Variants in GTF2F2 observed in about 807,000 individuals in gnomAD.
GTF2F2 encodes the protein general transcription factor IIF subunit 2.
In GTF2F2, 23 loss-of-function variants were observed where a neutral mutation model predicts 42.2. That is an observed-to-expected ratio of 0.55 (90% CI 0.39 to 0.77). The LOEUF is 0.77. Ranked by LOEUF, GTF2F2 falls within the 30% of genes least tolerant of loss-of-function variation. The probability of loss-of-function intolerance (pLI) is 0.00; values close to 1 mark genes in which losing one functional copy is unlikely to be tolerated. For missense variants in GTF2F2, 261 were observed against 287.2 expected (o/e 0.91, Z 0.66); for synonymous variants, 105 against 100.8 (o/e 1.04, Z -0.25).
At chr13:45,222,305 G>A (rs1412772651) in intron 5 of GTF2F2, among the ~76,000 whole-genome samples, 1 of 151,910 alleles carries the variant, frequency 6.6e-6, no homozygotes, top group Non-Finnish European at 1.5e-5. Context: ...GTTAACAAAA[G>A]GAATACATAC....
At position 45,138,321 on chromosome 13, in the gene GTF2F2, C is replaced by T. The variant is rs544032529; in HGVS notation, c.140+1515C>T. Among the ~76,000 whole-genome samples the T allele has an allele frequency of 1.1e-4, 17 of 152,296 alleles. No homozygotes were observed. In the Middle Eastern group the frequency reaches 0.01, roughly 91 times the overall value. On this transcript the variant is annotated intron_variant, in intron 2 of 7. Transcript: ENST00000340473. ...TACAGTTCAGGATGCTTCTGCCCTC[C>T]GTGGAGGCACCGTGCTCAGGAAGGT...
rs145490054 is a variant in GTF2F2 at position 45,234,766 on chromosome 13, G to T, written c.387-18105G>T. Among the ~76,000 whole-genome samples, 412 of 152,138 alleles carry T rather than the reference G, an allele frequency of 2.7e-3. 1 individual carries two copies. The highest frequency in any genetic ancestry group is 9.3e-3 in the African/African-American group (386 of 41,544). On this transcript the variant is annotated intron_variant, in intron 5 of 7. Transcript: ENST00000340473. The stretch of plus-strand genomic sequence containing the variant: ...GGGCAGCTTACAAAAAGATGGTCAT[G>T]CCAGTGCGGTGGCTCATGCCTGTAA...
intron 4 of GTF2F2, among the ~76,000 whole-genome samples, chr13:45,189,713 G>A (rs993895623): frequency 6.7e-6 from 1 of 148,180 alleles, no homozygotes; most frequent in African/African-American, 2.4e-5. Context: ...CATAGGCATG[G>A]GCAAAGGCCA....
chr13:45,167,236 T>A (rs867063440), intron 4 of GTF2F2, among the ~76,000 whole-genome samples: 1,917 of 150,752 alleles, frequency 0.013, 47 homozygotes, highest in African/African-American at 0.044. Context: ...TTTACTATTT[T>A]TTTTTTTTTT....
chr13:45,141,315 G>A (rs1869914580), intron 2 of GTF2F2, among the ~76,000 whole-genome samples: 1 of 152,168 alleles, frequency 6.6e-6, no homozygotes, highest in African/African-American at 2.4e-5. Context: ...TTTTCCTTAT[G>A]AATCCTTGCT....
chr13:45,139,367 C>G (rs965192122), intron 2 of GTF2F2, among the ~76,000 whole-genome samples: 6 of 152,204 alleles, frequency 3.9e-5, no homozygotes, highest in Admixed American at 2.6e-4. Context: ...TCTCTCTGTC[C>G]ACGCTCGTAA....
At chr13:45,225,611 C>CAAA (rs35637992) in intron 5 of GTF2F2, among the ~76,000 whole-genome samples, 1,386 of 65,466 alleles carry the variant, frequency 0.021, 45 homozygotes, top group African/African-American at 0.06. Flanking sequence ...AGCTCTGTCT[C>CAAA]AAAAAAAAAA....
rs987665820 is a variant in GTF2F2, at chr13:45,120,558, T to C, written c.-98T>C. The C allele has an allele frequency of 3.6e-6, 3 of 832,668 alleles. No individual in the cohort carries two copies. The highest frequency in any genetic ancestry group is 3.4e-5 in the African/African-American group (2 of 58,598). 51.6% of individuals were successfully genotyped at this position (832,668 alleles called of 1,614,324 possible). ...GTAAGGAACGCCGGCTCTTCGCCTC[T>C]CAGCGCGGCTTGTCCTTTGTTCCGG... On this transcript the variant is annotated 5_prime_UTR_variant, in exon 1 of 8. Transcript: ENST00000340473.
In GTF2F2 at chr13:45,131,157, G is replaced by A. The variant is rs569210537; in HGVS notation, c.67-5576G>A. Reference sequence around the variant, plus strand: ...CGGAAGGCAGAGGTTGTGGTGAGCCGAGATCGCGCCATTGCACTCCAGCCT... The same window carrying A: ...CGGAAGGCAGAGGTTGTGGTGAGCCAAGATCGCGCCATTGCACTCCAGCCT... On this transcript the variant is annotated intron_variant, in intron 1 of 7. Coordinates refer to ENST00000340473, the MANE Select transcript of GTF2F2 (RefSeq NM_004128.3). Among the ~76,000 whole-genome samples the A allele has an allele frequency of 1.5e-4, 22 of 151,698 alleles. 1 individual carries two copies. Among genetic ancestry groups the A allele is most frequent in the African/African-American group, 4.6e-4 (19 of 41,368 alleles).
At chr13:45,254,017 ACGC>A (rs1392273363) in intron 6 of GTF2F2, among the ~76,000 whole-genome samples, 3 of 151,104 alleles carry the variant, frequency 2.0e-5, no homozygotes, top group African/African-American at 7.3e-5. Context: ...AGCCGAGATC[ACGC>A]CACTGCACTG....
At chr13:45,279,662 C>A (rs1165826413) in intron 7 of GTF2F2, among the ~76,000 whole-genome samples, 1 of 152,142 alleles carries the variant, frequency 6.6e-6, no homozygotes, top group African/African-American at 2.4e-5. Flanking sequence ...AATCCTAGCG[C>A]TTTGGGAGGC....
intron 6 of GTF2F2, among the ~76,000 whole-genome samples, chr13:45,257,307 G>GT (rs1280707572): frequency 3.3e-5 from 5 of 151,886 alleles, no homozygotes; most frequent in South Asian, 4.2e-4. Context: ...GACATGTCAG[G>GT]TTTTTTTTCC....
At chr13:45,273,451 A>G (rs1487973864) in intron 7 of GTF2F2, among the ~76,000 whole-genome samples, 1 of 152,028 alleles carries the variant, frequency 6.6e-6, no homozygotes, top group Non-Finnish European at 1.5e-5. Context: ...ATGAGTCAGA[A>G]TTTTACGTAA....
chr13:45,182,924 G>T lies in GTF2F2; in HGVS notation c.305-24500G>T, dbSNP rs1046629322. On this transcript the variant is annotated intron_variant, in intron 4 of 7. Transcript: ENST00000340473. ...ACTAGTTTTTTCTTGTAGCACACTC[G>T]TCAGGCAGGCTGGGTTCCCTTTTGG... Among the ~76,000 whole-genome samples, 69 of 152,030 alleles carry T rather than the reference G, an allele frequency of 4.5e-4. 1 individual carries two copies. Among genetic ancestry groups the T allele is most frequent in the Admixed American group, 3.9e-4 (6 of 15,270 alleles).
At chr13:45,268,040 A>AT (rs1309664546) in intron 7 of GTF2F2, among the ~76,000 whole-genome samples, 1 of 152,134 alleles carries the variant, frequency 6.6e-6, no homozygotes, top group Non-Finnish European at 1.5e-5. Context: ...TTAATAATCC[A>AT]TTTAAAATGA....
chr13:45,241,594 A>G (rs1415461677), intron 5 of GTF2F2, among the ~76,000 whole-genome samples: 3 of 152,124 alleles, frequency 2.0e-5, no homozygotes, highest in Admixed American at 6.5e-5. Context: ...AGTGGCTACC[A>G]TATTGGACAG....
chr13:45,183,291 T>C (rs1277589367), intron 4 of GTF2F2, among the ~76,000 whole-genome samples: 3 of 152,150 alleles, frequency 2.0e-5, no homozygotes, highest in Non-Finnish European at 4.4e-5. Context: ...TTAAGCACAT[T>C]GTTTTCCCTT....
At chr13:45,228,283 C>CTTTCTTTTTTTTTTTTTTTTTTT (rs1874469235) in intron 5 of GTF2F2, among the ~76,000 whole-genome samples, 1 of 92,708 alleles carries the variant, frequency 1.1e-5, no homozygotes, top group African/African-American at 5.7e-5. Flanking sequence ...CAGAGTTAAT[C>CTTTCTTTTTTTTTTTTTTTTTTT]TTTTTTTTTT....
chr13:45,144,911 T>A (rs1870119815), intron 2 of GTF2F2, among the ~76,000 whole-genome samples: 1 of 152,194 alleles, frequency 6.6e-6, no homozygotes. Context: ...TCTGGCAACA[T>A]ATATGTGTGT....
Sources: allele counts gnomAD v4.1 joint callset (sites outside exome capture counted in the v4.1 genomes callset), GRCh38; gene constraint gnomAD v4.1.1; transcripts MANE v1.5; gene names NCBI Gene and HGNC (gene_info 2026-07-23, HGNC 2026-07-21).